Variants in DDHD1 observed in about 807,000 individuals in gnomAD.
DDHD1 encodes the protein DDHD domain containing 1, also known as phospholipase DDHD1.
DDHD1 carries 49 observed loss-of-function variants against 96.4 expected under a neutral mutation model. That is an observed-to-expected ratio of 0.51 (90% CI 0.40 to 0.64). The LOEUF is 0.64. Ranked by LOEUF, DDHD1 falls within the 30% of genes least tolerant of loss-of-function variation. The pLI is 0.00. For missense variants in DDHD1, 1,106 were observed against 1,161.2 expected, an observed-to-expected ratio of 0.95 and a Z score of 0.69; for synonymous variants, 442 against 446.5, an observed-to-expected ratio of 0.99 and a Z score of 0.13.
Position 53,152,809 on chromosome 14 carries a change from C to A in DDHD1, c.290G>T (p.Gly97Val), listed in dbSNP as rs1891548319. The change falls in exon 1 of 13, where the codon GGC becomes GTC. Residue 97 changes from glycine to valine, a missense_variant. Around this residue, in one of 2 missense-constraint regions of DDHD1, gnomAD observed 456 missense variants for 402.4 expected, o/e 1.13. Transcript: ENST00000673822. The part of the protein sequence containing the change: ...ENYDFSSAES[G>V]SSLRYYSEGE... ...CTCGCTGTAGTAGCGCAGCGAGGAG[C>A]CCGACTCGGCGGAGCTGAAGTCATA... 1.9e-6 allele frequency: 3 copies of A among 1,610,578 alleles called. No homozygotes were observed. The highest frequency in any genetic ancestry group is 2.5e-6 in the Non-Finnish European group (3 of 1,179,086).
intron 5 of DDHD1, 40 bp downstream of exon 5, chr14:53,073,701 T>A (rs1415435004): frequency 6.5e-7 from 1 of 1,530,992 alleles, no homozygotes; most frequent in African/African-American, 1.4e-5. Context: ...TGGTAAAAGT[T>A]TGCCATTGGC....
Position 53,073,750 on chromosome 14 carries a change from G to A in DDHD1, c.1387C>T (p.Leu463Phe). Residue 463 changes from leucine to phenylalanine, a missense_variant, in exon 5 of 13, where the codon CTT becomes TTT. Coordinates refer to ENST00000673822, the MANE Select transcript of DDHD1 (RefSeq NM_001160148.2). ...LPVEWRSKLT[L>F]DGDTVDSITP... ...TTTTAAATAAATATACCTCCATCAA[G>A]AGTAAGTTTTGACCGCCACTCAACA... The A allele has an allele frequency of 6.2e-7, 1 of 1,606,840 alleles. No individual in the cohort carries two copies. Among genetic ancestry groups the A allele is most frequent in the Non-Finnish European group, 8.5e-7 (1 of 1,176,096 alleles).
Position 53,091,923 on chromosome 14 carries a change from C to A in DDHD1, c.1151G>T (p.Ser384Ile). The change falls in exon 4 of 13, where the codon AGT (serine) becomes ATT (isoleucine). Residue 384 changes from serine (S) to isoleucine (I), a missense_variant. Ser to Ile is a moderately radical substitution (Grantham distance 142, BLOSUM62 -2). Transcript: ENST00000673822. ...QKLGFSKASS[S>I]GTRLHRGYVE... ...ATAACCTCTATGAAGTCTGGTACCACTACTTGATGCTGTAGAAAAATTATA... is the reference window on the plus strand; with the variant it reads ...ATAACCTCTATGAAGTCTGGTACCAATACTTGATGCTGTAGAAAAATTATA... 1 of 1,600,182 alleles carries A rather than the reference C, an allele frequency of 6.2e-7. No individual in the cohort carries two copies. Among genetic ancestry groups the A allele is most frequent in the Non-Finnish European group, 8.5e-7 (1 of 1,172,654 alleles).
intron 3 of DDHD1, 100 bp downstream of exon 3, chr14:53,093,216 T>C (rs2139680295): frequency 7.7e-7 from 1 of 1,299,458 alleles, no homozygotes; most frequent in African/African-American, 1.5e-5. Flanking sequence ...TTAATATACT[T>C]AAAACATACT....
rs2139724476 is a variant in DDHD1, at chr14:53,103,735, C to T, written c.960G>A (p.Gln320=). 3 of 1,613,196 alleles carry T rather than the reference C, an allele frequency of 1.9e-6. No individual in the cohort carries two copies. Among genetic ancestry groups the T allele is most frequent in the Non-Finnish European group, 2.5e-6 (3 of 1,179,748 alleles). The change falls in exon 2 of 13, where the codon CAG becomes CAA. Residue 320 remains glutamine, a synonymous_variant. Transcript: ENST00000673822. ...QEHLNCFRGQ[Q]MQENFDIEVS... ...CTTCAATATCGAAATTTTCCTGCATCTGCTGGCCCCTAAAACAATTGAGAT... is the reference window on the plus strand; with the variant it reads ...CTTCAATATCGAAATTTTCCTGCATTTGCTGGCCCCTAAAACAATTGAGAT...
At chr14:53,129,120 T>C (rs1269736988) in intron 1 of DDHD1, among the ~76,000 whole-genome samples, 4 of 152,186 alleles carry the variant, frequency 2.6e-5, no homozygotes, top group Non-Finnish European at 5.9e-5. Flanking sequence ...ATAAACAGCC[T>C]TGTTGCTCAC....
Position 53,153,224 on chromosome 14 carries a change from T to G in DDHD1, c.-126A>C. 4.5e-6 allele frequency: 4 copies of G among 888,828 alleles called. No individual in the cohort carries two copies. Among genetic ancestry groups the G allele is most frequent in the South Asian group, 3.0e-5 (1 of 33,094 alleles). The allele number at this position is 888,828 out of a possible 1,614,324, so 55.1% of individuals were successfully genotyped here. On this transcript the variant is annotated 5_prime_UTR_variant, in exon 1 of 13. Transcript: ENST00000673822. Reference sequence around the variant, plus strand: ...TAATCTTTCAAATCCCGACCCGAGCTGCGGCGGCAGCGGCGACCGCTCCGC... The same window carrying G: ...TAATCTTTCAAATCCCGACCCGAGCGGCGGCGGCAGCGGCGACCGCTCCGC...
At chr14:53,119,373 T>C (rs1439466044) in intron 1 of DDHD1, among the ~76,000 whole-genome samples, 3 of 152,066 alleles carry the variant, frequency 2.0e-5, no homozygotes, top group Non-Finnish European at 4.4e-5. Flanking sequence ...ACTGGCAAAT[T>C]GGATAAAGAG....
intron 4 of DDHD1, among the ~76,000 whole-genome samples, chr14:53,090,847 T>C (rs1408746728): frequency 2.0e-5 from 3 of 152,084 alleles, no homozygotes; most frequent in Non-Finnish European, 4.4e-5. Flanking sequence ...GTTGTGCACA[T>C]GTACCCTAGA....
At chr14:53,117,585 T>C (rs1421272505) in intron 1 of DDHD1, among the ~76,000 whole-genome samples, 1 of 151,912 alleles carries the variant, frequency 6.6e-6, no homozygotes, top group Non-Finnish European at 1.5e-5. Context: ...TGTAGCCTGG[T>C]GGGGGAAAGG....
Position 53,091,893 on chromosome 14 carries a change from T to C in DDHD1, c.1181A>G (p.Glu394Gly), listed in dbSNP as rs1307895193. Residue 394 changes from glutamate to glycine, a missense_variant, in exon 4 of 13, where the codon GAA becomes GGA. Glu to Gly is a moderately conservative substitution (Grantham distance 98). Transcript: ENST00000673822. ...TGGCTTGTCTTCTAATGTGGCTTCTTCTACATAACCTCTATGAAGTCTGGT... is the reference window on the plus strand; with the variant it reads ...TGGCTTGTCTTCTAATGTGGCTTCTCCTACATAACCTCTATGAAGTCTGGT... ...SGTRLHRGYV[E>G]EATLEDKPSQ... The C allele has an allele frequency of 6.2e-7, 1 of 1,613,588 alleles. No individual in the cohort carries two copies. The highest frequency in any genetic ancestry group is 1.7e-5 in the Admixed American group (1 of 60,016).
At chr14:53,139,956 G>T (rs989937043) in intron 1 of DDHD1, among the ~76,000 whole-genome samples, 10 of 151,364 alleles carry the variant, frequency 6.6e-5, no homozygotes, top group Admixed American at 6.6e-4. Flanking sequence ...TAGTGGAAAA[G>T]GTAAGCAACA....
In DDHD1 at chr14:53,149,702, T is replaced by C. The variant is rs559090830; in HGVS notation, c.838+2559A>G. On this transcript the variant is annotated intron_variant, in intron 1 of 12. Transcript: ENST00000673822. ...AAATATAGATAAAAATAGGTGTTGC[T>C]CTTATGCTAGTTATAAGCTATAATT... The C allele has an allele frequency of 7.9e-5, 12 of 152,340 alleles. 1 individual carries two copies. The South Asian group carries it at 2.5e-3, about 32-fold the overall frequency. 9.4% of individuals were successfully genotyped at this position (152,340 alleles called of 1,614,324 possible).
At chr14:53,093,232 C>A in intron 3 of DDHD1, 84 bp downstream of exon 3, 1 of 1,385,144 alleles carries the variant, frequency 7.2e-7, no homozygotes, top group Non-Finnish European at 9.6e-7. Flanking sequence ...ATACTAAAAA[C>A]AGAATATGAA....
intron 2 of DDHD1, among the ~76,000 whole-genome samples, chr14:53,102,544 T>C (rs1887382435): frequency 6.6e-6 from 1 of 152,060 alleles, no homozygotes; most frequent in South Asian, 2.1e-4. Context: ...AAGTCACAAG[T>C]TTCCTCAGTT....
intron 1 of DDHD1, among the ~76,000 whole-genome samples, chr14:53,131,502 T>TA (rs959651277): frequency 7.2e-5 from 11 of 152,112 alleles, no homozygotes; most frequent in African/African-American, 2.7e-4. Context: ...CTATCCTCAA[T>TA]ACCTTCCTCC....
In DDHD1 at chr14:53,043,410, T is replaced by TGTGC. The variant is rs1206795640; in HGVS notation, c.*3357_*3358insGCAC. 4 of 152,012 alleles carry TGTGC rather than the reference T, an allele frequency of 2.6e-5. No homozygotes were observed. Among genetic ancestry groups the TGTGC allele is most frequent in the Non-Finnish European group, 5.9e-5 (4 of 68,090 alleles). The allele number at this position is 152,012 out of a possible 1,614,324, so 9.4% of individuals were successfully genotyped here. On this transcript the variant is annotated 3_prime_UTR_variant, in exon 13 of 13. Coordinates refer to ENST00000673822, the MANE Select transcript of DDHD1 (RefSeq NM_001160148.2). ...AACATCCAGTGTGTGTGTGTGTGTG[T>TGTGC]GTGTGTGTGTGTAAATACATACTTT...
At chr14:53,081,710 C>T (rs565762430) in intron 4 of DDHD1, among the ~76,000 whole-genome samples, 1 of 152,304 alleles carries the variant, frequency 6.6e-6, no homozygotes, top group East Asian at 1.9e-4. Context: ...GGAAACACTA[C>T]ATCTGCTTAA....
At chr14:53,086,110 A>C (rs192508792) in intron 4 of DDHD1, among the ~76,000 whole-genome samples, 140 of 152,338 alleles carry the variant, frequency 9.2e-4, no homozygotes, top group East Asian at 7.7e-4. Flanking sequence ...AAAAAAGAGT[A>C]AAAAGAAACA....
Sources: allele counts gnomAD v4.1 joint callset (sites outside exome capture counted in the v4.1 genomes callset), GRCh38; gene constraint gnomAD v4.1.1; regional missense constraint gnomAD v4.1.1; transcripts MANE v1.5; gene names NCBI Gene and HGNC (gene_info 2026-07-23, HGNC 2026-07-21).